Variants in VPS26A observed in about 807,000 individuals in gnomAD.
VPS26A encodes the protein vacuolar protein sorting-associated protein 26A.
VPS26A carries 22 observed loss-of-function variants against 42.4 expected under a neutral mutation model. That is an observed-to-expected ratio of 0.52 (90% confidence interval 0.37 to 0.74). The LOEUF is 0.74. VPS26A is among the 30% of genes least tolerant of loss of function. The pLI, the probability that VPS26A is intolerant of heterozygous loss-of-function variation, is 0.00. For synonymous variants in VPS26A, 110 were observed against 123.5 expected, an observed-to-expected ratio of 0.89 and a Z score of 0.73; for missense variants, 276 against 379.2, an observed-to-expected ratio of 0.73 and a Z score of 2.26.
chr10:69,134,359 G>T (rs760150980), intron 2 of VPS26A, among the ~76,000 whole-genome samples: 1 of 151,974 alleles, frequency 6.6e-6, no homozygotes, highest in Non-Finnish European at 1.5e-5. Flanking sequence ...TATGGACATC[G>T]GTATACGTAA....
intron 5 of VPS26A, among the ~76,000 whole-genome samples, chr10:69,160,496 G>A (rs1400854481): frequency 2.0e-5 from 3 of 147,448 alleles, no homozygotes; most frequent in Non-Finnish European, 4.5e-5. Flanking sequence ...CTGTCGTCCC[G>A]TCTGGAGTGC....
rs780503376 is a variant in VPS26A at position 69,168,597 on chromosome 10, T to C, written c.836T>C (p.Val279Ala). 6.2e-7 allele frequency: 1 copy of C among 1,614,140 alleles called. No individual in the cohort carries two copies. The highest frequency in any genetic ancestry group is 1.1e-5 in the South Asian group (1 of 91,070). The change falls in exon 8 of 9, where the codon GTT (valine) becomes GCT (alanine). Residue 279 changes from valine (V) to alanine (A), a missense_variant. Coordinates refer to ENST00000263559, the MANE Select transcript of VPS26A (RefSeq NM_004896.5). Reference sequence around the variant, plus strand: ...AGGTACTTTTTGAATTTAGTGCTTGTTGATGAGGAAGACCGGAGGTACTTC... The same window carrying C: ...AGGTACTTTTTGAATTTAGTGCTTGCTGATGAGGAAGACCGGAGGTACTTC... ...SVRYFLNLVL[V>A]DEEDRRYFKQ...
intron 6 of VPS26A, among the ~76,000 whole-genome samples, chr10:69,165,761 A>C (rs1274118295): frequency 1.3e-5 from 2 of 152,136 alleles, no homozygotes; most frequent in Non-Finnish European, 2.9e-5. Flanking sequence ...CCTGGGCAAT[A>C]TATTGAGAAC....
chr10:69,165,577 G>A (rs951437821), intron 6 of VPS26A, among the ~76,000 whole-genome samples: 5 of 152,006 alleles, frequency 3.3e-5, no homozygotes, highest in South Asian at 2.1e-4. Flanking sequence ...AGGCTGAAGC[G>A]GGCAGATCAC....
At chr10:69,162,124 A>G (rs549387449) in intron 5 of VPS26A, among the ~76,000 whole-genome samples, 48 of 151,552 alleles carry the variant, frequency 3.2e-4, no homozygotes, top group African/African-American at 1.1e-3. Flanking sequence ...CCCAAGTAGC[A>G]GGGATCACAA....
intron 8 of VPS26A, among the ~76,000 whole-genome samples, chr10:69,170,727 A>G (rs1319758821): frequency 1.3e-5 from 2 of 152,218 alleles, no homozygotes; most frequent in African/African-American, 4.8e-5. Context: ...GAGAACTACT[A>G]AAGAGCAATC....
chr10:69,159,911 AGTTT>A (rs1003890849), intron 5 of VPS26A, among the ~76,000 whole-genome samples: 9 of 151,986 alleles, frequency 5.9e-5, no homozygotes, highest in African/African-American at 1.7e-4. Flanking sequence ...TTTTTATTAA[AGTTT>A]GTTTGTTGAA....
chr10:69,165,623 A>G (rs1241308879), intron 6 of VPS26A, among the ~76,000 whole-genome samples: 2 of 152,118 alleles, frequency 1.3e-5, no homozygotes, highest in Non-Finnish European at 2.9e-5. Flanking sequence ...CCTGGGCATC[A>G]TGGTGAAACC....
chr10:69,132,939 T>C lies in VPS26A; in HGVS notation c.45T>C (p.Asp15=), dbSNP rs1191211968. ...TTTTTGGTCCAATTTGTGAGATCGA[T>C]ATTGTTCTTAATGATGGGGAAACCA... ...GGFFGPICEI[D]IVLNDGETRK... The change falls in exon 2 of 9, where the codon GAT becomes GAC. Residue 15 remains aspartate (D), a synonymous_variant. Coordinates refer to ENST00000263559, the MANE Select transcript of VPS26A (RefSeq NM_004896.5). 1.9e-6 allele frequency: 3 copies of C among 1,607,148 alleles called. No homozygotes were observed. The Admixed American group carries it at 5.2e-5, about 28-fold the overall frequency.
rs369058494 is a variant in VPS26A, at chr10:69,132,941, T to C, written c.47T>C (p.Ile16Thr). 207 of 1,607,606 alleles carry C rather than the reference T, an allele frequency of 1.3e-4. No homozygotes were observed. Among genetic ancestry groups the C allele is most frequent in the Non-Finnish European group, 1.5e-4 (174 of 1,178,730 alleles). The change falls in exon 2 of 9, where the codon ATT becomes ACT. Residue 16 changes from isoleucine to threonine, a missense_variant. Coordinates refer to ENST00000263559, the MANE Select transcript of VPS26A (RefSeq NM_004896.5). ...GFFGPICEIDIVLNDGETRKM... is the reference protein window; with the variant it reads ...GFFGPICEIDTVLNDGETRKM... ...TTTGGTCCAATTTGTGAGATCGATATTGTTCTTAATGATGGGGAAACCAGG... is the reference window on the plus strand; with the variant it reads ...TTTGGTCCAATTTGTGAGATCGATACTGTTCTTAATGATGGGGAAACCAGG...
chr10:69,126,283 G>A (rs778500093), intron 1 of VPS26A, among the ~76,000 whole-genome samples: 98 of 152,158 alleles, frequency 6.4e-4, no homozygotes, highest in Non-Finnish European at 4.6e-4. Context: ...CCAACATGGC[G>A]AAACCCCGTC....
rs745419130 is a variant in VPS26A, at chr10:69,124,234, G to C, written c.-44G>C. 5 of 1,282,806 alleles carry C rather than the reference G, an allele frequency of 3.9e-6. No individual in the cohort carries two copies. The highest frequency in any genetic ancestry group is 3.0e-6 in the Non-Finnish European group (3 of 1,009,706). 79.5% of individuals were successfully genotyped at this position (1,282,806 alleles called of 1,614,324 possible). A position where few individuals can be genotyped will look rare whatever the true frequency, so the allele number is the denominator to read the frequency against. ...GAGCCGGGGCTGGGAGTTCTCCTGA[G>C]GGAAGAGGAGTGGAGTAGGGGGGAC... On this transcript the variant is annotated 5_prime_UTR_variant, in exon 1 of 9. Coordinates refer to ENST00000263559, the MANE Select transcript of VPS26A (RefSeq NM_004896.5).
intron 3 of VPS26A, among the ~76,000 whole-genome samples, chr10:69,156,463 C>A (rs1037814852): frequency 5.3e-5 from 8 of 152,000 alleles, no homozygotes; most frequent in African/African-American, 1.9e-4. Flanking sequence ...ATAATACTGT[C>A]TACATAACTA....
At position 69,124,233 on chromosome 10, in the gene VPS26A, AG is replaced by A. The variant is rs1233883036; in HGVS notation, c.-42del. The A allele has an allele frequency of 7.0e-6, 9 of 1,281,596 alleles. No homozygotes were observed. The South Asian group carries it at 3.0e-4, about 42-fold the overall frequency. 79.4% of individuals were successfully genotyped at this position (1,281,596 alleles called of 1,614,324 possible). On this transcript the variant is annotated 5_prime_UTR_variant, in exon 1 of 9. Coordinates refer to ENST00000263559, the MANE Select transcript of VPS26A (RefSeq NM_004896.5). ...GGAGCCGGGGCTGGGAGTTCTCCTG[AG>A]GGAAGAGGAGTGGAGTAGGGGGGAC...
Position 69,124,270 on chromosome 10 carries a change from C to T in VPS26A, c.-8C>T. On this transcript the variant is annotated 5_prime_UTR_variant, in exon 1 of 9. Coordinates refer to ENST00000263559, the MANE Select transcript of VPS26A (RefSeq NM_004896.5). ...TGGAGTAGGGGGGACGCGGCGGCGG[C>T]GTTGACAATGGTGAGTGCGCGGCGG... 1.6e-6 allele frequency: 2 copies of T among 1,279,218 alleles called. No individual in the cohort carries two copies. The highest frequency in any genetic ancestry group is 3.7e-5 in the South Asian group (1 of 27,374). 79.2% of individuals were successfully genotyped at this position (1,279,218 alleles called of 1,614,324 possible).
intron 1 of VPS26A, among the ~76,000 whole-genome samples, chr10:69,130,989 A>C (rs1327851555): frequency 6.6e-6 from 1 of 152,116 alleles, no homozygotes; most frequent in African/African-American, 2.4e-5. Flanking sequence ...AACACTTGTG[A>C]ACATTTTTTT....
rs1841807253 is a variant in VPS26A, at chr10:69,171,226, A to T, written c.941A>T (p.Glu314Val). Reference sequence around the variant, plus strand: ...AGAACAAACTTTCACCAGCGATTTGAATCTCCAGAATCACAGGCATCTGCC... The same window carrying T: ...AGAACAAACTTTCACCAGCGATTTGTATCTCCAGAATCACAGGCATCTGCC... ...KQRTNFHQRFESPESQASAEQ... is the reference protein window; with the variant it reads ...KQRTNFHQRFVSPESQASAEQ... The change falls in exon 9 of 9, where the codon GAA becomes GTA. Residue 314 changes from glutamate (E) to valine (V), a missense_variant. Coordinates refer to ENST00000263559, the MANE Select transcript of VPS26A (RefSeq NM_004896.5). 1 of 1,613,838 alleles carries T rather than the reference A, an allele frequency of 6.2e-7. No homozygotes were observed. Among genetic ancestry groups the T allele is most frequent in the Admixed American group, 1.7e-5 (1 of 59,960 alleles).
intron 1 of VPS26A, among the ~76,000 whole-genome samples, chr10:69,124,551 GC>G (rs1840607879): frequency 6.6e-6 from 1 of 152,182 alleles, no homozygotes; most frequent in African/African-American, 2.4e-5. Context: ...GCTTGTTGGG[GC>G]TCTGGCTGGG....
chr10:69,173,555 A>C lies in VPS26A; in HGVS notation c.*2286A>C, dbSNP rs1402300829. Among the ~76,000 whole-genome samples, 1 of 152,232 alleles carries C rather than the reference A, an allele frequency of 6.6e-6. No homozygotes were observed. The highest frequency in any genetic ancestry group is 1.5e-5 in the Non-Finnish European group (1 of 68,038). ...GAAGATCCCTTTGAGAGGTGAAGCC[A>C]GCTGGACTTCTGAGTTGCGTGGGGA... On this transcript the variant is annotated 3_prime_UTR_variant, in exon 9 of 9. Transcript: ENST00000263559.
Sources: allele counts gnomAD v4.1 joint callset (sites outside exome capture counted in the v4.1 genomes callset), GRCh38; gene constraint gnomAD v4.1.1; transcripts MANE v1.5; gene names NCBI Gene and HGNC (gene_info 2026-07-23, HGNC 2026-07-21).